DOCK8: variants seen among roughly 807,000 people sequenced by gnomAD.
The protein encoded by DOCK8 is dedicator of cytokinesis protein 8.
DOCK8 carries 141 observed loss-of-function variants against 245.6 expected under a neutral mutation model. The observed-to-expected ratio is 0.57, with a 90% CI of 0.50 to 0.66. The LOEUF is 0.66. Among genes scored for constraint, DOCK8 ranks in the 30% least tolerant of loss-of-function variants. The pLI, the probability that DOCK8 is intolerant of heterozygous loss-of-function variation, is 0.00. For missense variants in DOCK8, 2,965 were observed against 2,603.4 expected (o/e 1.14, Z -3.02); for synonymous variants, 1,168 against 970.2 (o/e 1.20, Z -3.79).
chr9:461,121 G>A (rs940480662), intron 46 of DOCK8, among the ~76,000 whole-genome samples: 2 of 152,172 alleles, frequency 1.3e-5, no homozygotes, highest in African/African-American at 2.4e-5. Context: ...GCAGGAGACA[G>A]GGAAAACACC....
chr9:270,096 T>C (rs2048124040), intron 1 of DOCK8, among the ~76,000 whole-genome samples: 2 of 152,260 alleles, frequency 1.3e-5, no homozygotes, highest in South Asian at 4.1e-4. Flanking sequence ...CAACTCATTG[T>C]GATTTGATCT....
At chr9:254,566 A>G (rs1004154102) in intron 1 of DOCK8, among the ~76,000 whole-genome samples, 2 of 152,300 alleles carry the variant, frequency 1.3e-5, no homozygotes, top group Admixed American at 6.5e-5. Flanking sequence ...ACTTGTTTAC[A>G]TAGTAGTAAG....
At chr9:401,647 T>A (rs1209051664) in intron 26 of DOCK8, among the ~76,000 whole-genome samples, 1 of 152,076 alleles carries the variant, frequency 6.6e-6, no homozygotes, top group African/African-American at 2.4e-5. Flanking sequence ...AAAATTTGAG[T>A]TAGGTATGAG....
At chr9:221,074 A>C (rs1031192921) in intron 1 of DOCK8, among the ~76,000 whole-genome samples, 1 of 152,140 alleles carries the variant, frequency 6.6e-6, no homozygotes, top group African/African-American at 2.4e-5. Context: ...TATCGACAAC[A>C]GTGGGGGTAT....
Position 463,569 on chromosome 9 carries a change from G to A in DOCK8, c.6121G>A (p.Glu2041Lys). The A allele has an allele frequency of 1.2e-6, 2 of 1,614,180 alleles. No homozygotes were observed. Among genetic ancestry groups the A allele is most frequent in the Non-Finnish European group, 1.7e-6 (2 of 1,180,030 alleles). The change falls in exon 47 of 48, where the codon GAA (glutamate) becomes AAA (lysine). Residue 2041 changes from glutamate (E) to lysine (K), a missense_variant. By Grantham distance (56) the Glu-to-Lys change is moderately conservative. Transcript: ENST00000432829. ...NKRLITADQR[E>K]YQQELKKNYN... is the part of the protein sequence containing the mutation. ...GCGTCTCATCACGGCAGACCAGAGG[G>A]AATATCAGCAGGAACTCAAAAAGAA...
At chr9:249,410 C>T (rs1351357990) in intron 1 of DOCK8, among the ~76,000 whole-genome samples, 1 of 152,186 alleles carries the variant, frequency 6.6e-6, no homozygotes, top group Non-Finnish European at 1.5e-5. Context: ...CAGCAGCAAT[C>T]TCACAGCCTC....
At position 379,841 on chromosome 9, in the gene DOCK8, G is replaced by C; in HGVS notation, c.2511G>C (p.Leu837=). ...ACAGTCTGCACAACAGCAAGGACCT[G>C]AGCAAGGACCAGCATGGGAGGAACT... ...IANSLHNSKD[L]SKDQHGRNCL... Residue 837 remains leucine, a synonymous_variant, in exon 21 of 48, where the codon CTG becomes CTC. Coordinates refer to ENST00000432829, the MANE Select transcript of DOCK8 (RefSeq NM_203447.4). The C allele has an allele frequency of 6.2e-7, 1 of 1,614,228 alleles. No homozygotes were observed. The highest frequency in any genetic ancestry group is 8.5e-7 in the Non-Finnish European group (1 of 1,180,034).
At chr9:289,009 C>T (rs2048935013) in intron 3 of DOCK8, among the ~76,000 whole-genome samples, 1 of 152,146 alleles carries the variant, frequency 6.6e-6, no homozygotes, top group Non-Finnish European at 1.5e-5. Context: ...GTAGACATGA[C>T]AGGAACCAAC....
Position 386,487 on chromosome 9 carries a change from C to T in DOCK8, c.2874+61C>T, listed in dbSNP as rs952298118. The T allele has an allele frequency of 7.6e-6, 11 of 1,443,700 alleles. No individual in the cohort carries two copies. In the African/African-American group the frequency reaches 1.4e-4, roughly 18 times the overall value. The allele number at this position is 1,443,700 out of a possible 1,614,324, so 89.4% of individuals were successfully genotyped here. A position where few individuals can be genotyped will look rare whatever the true frequency, so the allele number is the denominator to read the frequency against. On this transcript the variant is annotated intron_variant, in intron 23 of 47. Coordinates refer to ENST00000432829, the MANE Select transcript of DOCK8 (RefSeq NM_203447.4). ...TAAGAACAGAAGGATTTCCTCATGC[C>T]CTCACACTGTGCTTGGGAATAGTCA...
At chr9:451,347 T>C (rs969234869) in intron 45 of DOCK8, among the ~76,000 whole-genome samples, 2 of 149,008 alleles carry the variant, frequency 1.3e-5, no homozygotes, top group African/African-American at 5.0e-5. Context: ...ATTTGGGCTG[T>C]GTATGGTGCG....
intron 2 of DOCK8, among the ~76,000 whole-genome samples, chr9:272,208 CACTTA>C (rs61584658): frequency 0.033 from 4,978 of 152,188 alleles, 252 homozygotes; most frequent in African/African-American, 0.11. Context: ...AACTTAGAGT[CACTTA>C]ACCTTTCCTC....
Position 269,889 on chromosome 9 carries a change from A to C in DOCK8, c.54-1738A>C, listed in dbSNP as rs558227851. ...ATGTTTTCATTTCTCCTGGGTAAAT[A>C]CCTTTGAGTGGAATTGCTGGGATAC... On this transcript the variant is annotated intron_variant, in intron 1 of 47. Coordinates refer to ENST00000432829, the MANE Select transcript of DOCK8 (RefSeq NM_203447.4). 6.4e-4 allele frequency among the ~76,000 whole-genome samples: 97 copies of C among 152,212 alleles called. 1 individual carries two copies. Among genetic ancestry groups the C allele is most frequent in the African/African-American group, 2.2e-3 (91 of 41,534 alleles).
intron 22 of DOCK8, among the ~76,000 whole-genome samples, chr9:384,371 C>T (rs943094163): frequency 1.3e-5 from 2 of 152,136 alleles, no homozygotes; most frequent in African/African-American, 4.8e-5. Flanking sequence ...TATCATTTCC[C>T]CTGATAAAGA....
At chr9:461,160 C>T (rs1290971511) in intron 46 of DOCK8, among the ~76,000 whole-genome samples, 1 of 152,182 alleles carries the variant, frequency 6.6e-6, no homozygotes, top group Non-Finnish European at 1.5e-5. Flanking sequence ...GCCAGATAAC[C>T]ATGATGAGTT....
At chr9:449,719 T>G in intron 44 of DOCK8, 65 bp from the exon 45 acceptor site, 1 of 1,609,712 alleles carries the variant, frequency 6.2e-7, no homozygotes, top group Non-Finnish European at 8.5e-7. Context: ...CTGTCATAGC[T>G]CCAGGCTTGT....
At chr9:293,145 A>G (rs1461896058) in intron 4 of DOCK8, among the ~76,000 whole-genome samples, 1 of 152,218 alleles carries the variant, frequency 6.6e-6, no homozygotes, top group African/African-American at 2.4e-5. Context: ...AGAAGTGTAC[A>G]ACTTCAGAAC....
At chr9:400,066 A>T (rs1233969767) in intron 26 of DOCK8, among the ~76,000 whole-genome samples, 1 of 87,534 alleles carries the variant, frequency 1.1e-5, no homozygotes, top group Non-Finnish European at 2.2e-5. Context: ...CACCTCCTTC[A>T]CCATCACCAT....
intron 28 of DOCK8, among the ~76,000 whole-genome samples, chr9:414,477 G>T (rs913955374): frequency 6.6e-6 from 1 of 151,362 alleles, no homozygotes; most frequent in Non-Finnish European, 1.5e-5. Flanking sequence ...GTTTTCCAGG[G>T]TTAGAACACA....
rs1001055970 is a variant in DOCK8, at chr9:418,207, G to C, written c.3840G>C (p.Leu1280Phe). 6.2e-7 allele frequency: 1 copy of C among 1,614,128 alleles called. No individual in the cohort carries two copies. Among genetic ancestry groups the C allele is most frequent in the Non-Finnish European group, 8.5e-7 (1 of 1,179,992 alleles). Reference sequence around the variant, plus strand: ...CAAGTGGAATAGTGCTGTCTTCCTTGGTATGTTGGTGCACATGTGTCTGGT... The same window carrying C: ...CAAGTGGAATAGTGCTGTCTTCCTTCGTATGTTGGTGCACATGTGTCTGGT... ...LKTSGIVLSS[L>F]PYKQYNMLNA... The change falls in exon 30 of 48, where the codon TTG (leucine) becomes TTC (phenylalanine). Residue 1280 changes from leucine (L) to phenylalanine (F), a missense_variant and splice_region_variant. Around this residue, in one of 3 missense-constraint regions of DOCK8, gnomAD observed 2,825 missense variants for 2,453.5 expected, o/e 1.15. Transcript: ENST00000432829.
Sources: allele counts gnomAD v4.1 joint callset (sites outside exome capture counted in the v4.1 genomes callset), GRCh38; gene constraint gnomAD v4.1.1; regional missense constraint gnomAD v4.1.1; transcripts MANE v1.5; gene names NCBI Gene and HGNC (gene_info 2026-07-23, HGNC 2026-07-21).